MEMO1: variants seen among roughly 807,000 people sequenced by gnomAD.
The protein encoded by MEMO1 is mediator of cell motility 1.
A neutral mutation model predicts 45.2 loss-of-function variants in MEMO1; 6 were observed. The ratio of observed to expected loss-of-function variants is 0.13; its 90% CI spans 0.07 to 0.26. MEMO1 has a LOEUF of 0.26. MEMO1 is among the 10% of genes least tolerant of loss of function. The pLI is 1.00. For missense variants in MEMO1, 184 were observed against 370.5 expected, an observed-to-expected ratio of 0.50 and a Z score of 4.13; for synonymous variants, 78 against 124.3, an observed-to-expected ratio of 0.63 and a Z score of 2.48.
chr2:31,869,741 T>C lies in MEMO1; in HGVS notation c.762+107A>G, dbSNP rs144451462. Reference sequence around the variant, plus strand: ...TATATTAAAGATACTAAAAAGAAACTTGACCATAGGTACATAAAACCAATG... The same window carrying C: ...TATATTAAAGATACTAAAAAGAAACCTGACCATAGGTACATAAAACCAATG... On this transcript the variant is annotated intron_variant, in intron 9 of 9. Transcript: ENST00000404530. The C allele has an allele frequency of 4.7e-3, 5,751 of 1,220,706 alleles. 22 individuals carry two copies. Among genetic ancestry groups the C allele is most frequent in the Non-Finnish European group, 5.5e-3 (4,954 of 904,996 alleles). The allele number at this position is 1,220,706 out of a possible 1,614,324, so 75.6% of individuals were successfully genotyped here. A position where few individuals can be genotyped will look rare whatever the true frequency, so the allele number is the denominator to read the frequency against.
rs1452404704 is a variant in MEMO1, at chr2:32,004,638, TG to T, written c.61+5548del. Among the ~76,000 whole-genome samples the T allele has an allele frequency of 2.0e-5, 3 of 152,170 alleles. No individual in the cohort carries two copies. In the East Asian group the frequency reaches 5.8e-4, roughly 29 times the overall value. On this transcript the variant is annotated intron_variant, in intron 2 of 9. Transcript: ENST00000404530. ...GCAGAATCTACTAAAACTTATCACA[TG>T]GGGCCGGGCACAGTGGCTCACACCT...
rs1382408867 is a variant in MEMO1 at position 31,891,943 on chromosome 2, ACCAG to A, written c.580+45_580+48del. The A allele has an allele frequency of 2.6e-6, 4 of 1,532,248 alleles. No individual in the cohort carries two copies. In the Admixed American group the frequency reaches 8.0e-5, roughly 31 times the overall value. The allele number at this position is 1,532,248 out of a possible 1,614,324, so 94.9% of individuals were successfully genotyped here. A position where few individuals can be genotyped will look rare whatever the true frequency, so the allele number is the denominator to read the frequency against. On this transcript the variant is annotated intron_variant, in intron 7 of 9. Transcript: ENST00000404530. ...AGCTTAGAATGAAAAGATACCTTTA[ACCAG>A]AAGTATATAACATCTACCATGATAT...
intron 2 of MEMO1, among the ~76,000 whole-genome samples, chr2:31,944,489 C>A (rs1237292457): frequency 2.6e-5 from 4 of 152,144 alleles, no homozygotes; most frequent in Non-Finnish European, 5.9e-5. Flanking sequence ...ATGTTGGTCA[C>A]CCTAAATTGA....
intron 2 of MEMO1, among the ~76,000 whole-genome samples, chr2:32,008,494 GA>G (rs1674379742): frequency 6.6e-6 from 1 of 152,120 alleles, no homozygotes; most frequent in Non-Finnish European, 1.5e-5. Context: ...TGAAGCAGGA[GA>G]ATCGCTTGAA....
intron 3 of MEMO1, among the ~76,000 whole-genome samples, chr2:31,938,533 A>C (rs1362282485): frequency 6.6e-6 from 1 of 151,908 alleles, no homozygotes; most frequent in African/African-American, 2.4e-5. Context: ...CTGTAGTCCC[A>C]GCTACTCGGG....
intron 7 of MEMO1, among the ~76,000 whole-genome samples, chr2:31,890,478 T>G (rs1676806012): frequency 6.6e-6 from 1 of 152,160 alleles, no homozygotes; most frequent in African/African-American, 2.4e-5. Flanking sequence ...GGCACTCCTT[T>G]TAAGCATCTA....
At chr2:31,894,299 G>A (rs1171999184) in intron 6 of MEMO1, among the ~76,000 whole-genome samples, 5 of 152,094 alleles carry the variant, frequency 3.3e-5, no homozygotes, top group Admixed American at 2.6e-4. Flanking sequence ...CTCCACTGAG[G>A]TATAAGTTCC....
At chr2:31,980,159 T>C (rs1670473218) in intron 2 of MEMO1, among the ~76,000 whole-genome samples, 1 of 152,192 alleles carries the variant, frequency 6.6e-6, no homozygotes, top group Non-Finnish European at 1.5e-5. Context: ...TTGCCAGGCA[T>C]GGTGACTCAC....
chr2:31,918,724 G>A (rs1056011879), intron 5 of MEMO1, among the ~76,000 whole-genome samples: 2 of 152,022 alleles, frequency 1.3e-5, no homozygotes, highest in African/African-American at 4.8e-5. Context: ...TGTGGAACAA[G>A]AAAAAGATAA....
In MEMO1 at chr2:31,950,356, G is replaced by C. The variant is rs1666698177; in HGVS notation, c.62-6973C>G. ...AGATCACAGCACTGAACTCCAGCCTGGGCAGCAGAGCAAGACTCCGTCAAA... is the reference window on the plus strand; with the variant it reads ...AGATCACAGCACTGAACTCCAGCCTCGGCAGCAGAGCAAGACTCCGTCAAA... On this transcript the variant is annotated intron_variant, in intron 2 of 9. Coordinates refer to ENST00000404530, the MANE Select transcript of MEMO1 (RefSeq NM_001301833.4). Among the ~76,000 whole-genome samples the C allele has an allele frequency of 2.0e-5, 3 of 151,560 alleles. No homozygotes were observed. In the South Asian group the frequency reaches 6.2e-4, roughly 32 times the overall value.
At chr2:32,000,076 T>C (rs1168896896) in intron 2 of MEMO1, among the ~76,000 whole-genome samples, 1 of 151,850 alleles carries the variant, frequency 6.6e-6, no homozygotes, top group African/African-American at 2.4e-5. Context: ...GTAGAGATGA[T>C]GGTCTCACTT....
chr2:31,959,611 GACAA>G (rs1462077217), intron 2 of MEMO1, among the ~76,000 whole-genome samples: 1 of 151,816 alleles, frequency 6.6e-6, no homozygotes, highest in African/African-American at 2.4e-5. Context: ...AGTAGTTACA[GACAA>G]GATGAGGTAC....
intron 6 of MEMO1, among the ~76,000 whole-genome samples, chr2:31,895,837 C>CTTTTTTT (rs71412853): frequency 1.8e-4 from 15 of 84,746 alleles, no homozygotes; most frequent in African/African-American, 2.4e-4. Context: ...AGAAAAAAAT[C>CTTTTTTT]TTTTTTTTTT....
Position 31,974,827 on chromosome 2 carries a change from G to A in MEMO1, c.62-31444C>T, listed in dbSNP as rs147500302. 4.6e-3 allele frequency among the ~76,000 whole-genome samples: 693 copies of A among 151,898 alleles called. 5 individuals are homozygous for A. The highest frequency in any genetic ancestry group is 0.016 in the African/African-American group (657 of 41,432). On this transcript the variant is annotated intron_variant, in intron 2 of 9. Coordinates refer to ENST00000404530, the MANE Select transcript of MEMO1 (RefSeq NM_001301833.4). ...AGTGAAATCATGAAAGTTCTAAGGG[G>A]TACTCTGCTGATTATTTTCTTAAGC...
intron 4 of MEMO1, among the ~76,000 whole-genome samples, chr2:31,923,958 A>G (rs939779160): frequency 3.9e-5 from 6 of 152,168 alleles, no homozygotes; most frequent in Non-Finnish European, 7.4e-5. Flanking sequence ...GATGAAGGAA[A>G]AAGAGCCCCA....
intron 6 of MEMO1, among the ~76,000 whole-genome samples, chr2:31,912,520 A>G (rs2148121975): frequency 6.7e-6 from 1 of 148,806 alleles, no homozygotes; most frequent in East Asian, 1.9e-4. Flanking sequence ...TCTCAAAAAA[A>G]AAAAAAAAAA....
chr2:31,935,939 GTATTT>G (rs1053747090), intron 3 of MEMO1, among the ~76,000 whole-genome samples: 76 of 151,796 alleles, frequency 5.0e-4, no homozygotes, highest in African/African-American at 1.7e-3. Flanking sequence ...GTCCCATTTA[GTATTT>G]TATTTTATTT....
intron 3 of MEMO1, among the ~76,000 whole-genome samples, chr2:31,933,882 G>T (rs542028791): frequency 1.3e-5 from 2 of 152,192 alleles, no homozygotes; most frequent in African/African-American, 4.8e-5. Context: ...ACTCAGTTTT[G>T]ATGTTATCCT....
At chr2:31,966,540 G>A (rs1365084323) in intron 2 of MEMO1, among the ~76,000 whole-genome samples, 8 of 152,026 alleles carry the variant, frequency 5.3e-5, no homozygotes, top group African/African-American at 1.9e-4. Context: ...AGACCATGCT[G>A]GCCAACATGA....
Sources: gnomAD v4.1 joint callset for allele counts (sites outside exome capture counted in the v4.1 genomes callset) on GRCh38, gnomAD v4.1.1 for gene constraint, MANE v1.5 for transcripts, NCBI Gene and HGNC (gene_info 2026-07-23, HGNC 2026-07-21) for gene names.